Variants in SGCG observed in about 807,000 individuals in gnomAD.
SGCG encodes the protein sarcoglycan gamma, also known as gamma-sarcoglycan.
A neutral mutation model predicts 29.3 loss-of-function variants in SGCG; 26 were observed. That is an observed-to-expected ratio of 0.89 (90% confidence interval 0.65 to 1.23). SGCG has a LOEUF of 1.23. SGCG is among the 50% of genes most tolerant of loss of function. The pLI is 0.00. For synonymous variants in SGCG, 145 were observed against 129.7 expected, an observed-to-expected ratio of 1.12 and a Z score of -0.80; for missense variants, 353 against 356.0, an observed-to-expected ratio of 0.99 and a Z score of 0.07.
chr13:23,253,944 CA>C (rs1880074594), intron 4 of SGCG, among the ~76,000 whole-genome samples: 1 of 152,212 alleles, frequency 6.6e-6, no homozygotes, highest in Non-Finnish European at 1.5e-5. Context: ...CTGAGGCCCT[CA>C]CTAGAAGCAT....
chr13:23,198,381 T>C (rs1268738850), intron 1 of SGCG, among the ~76,000 whole-genome samples: 2 of 152,192 alleles, frequency 1.3e-5, no homozygotes, highest in Admixed American at 1.3e-4. Flanking sequence ...GAAGACAGAT[T>C]ATCTGTCCTT....
intron 3 of SGCG, chr13:23,244,212 G>A (rs1344295147): frequency 6.6e-6 from 1 of 152,042 alleles, no homozygotes; most frequent in Non-Finnish European, 1.5e-5. Flanking sequence ...ATCATATCAG[G>A]ATTACGATAA....
At chr13:23,309,049 T>C (rs1409264583) in intron 6 of SGCG, among the ~76,000 whole-genome samples, 1 of 152,100 alleles carries the variant, frequency 6.6e-6, no homozygotes, top group Non-Finnish European at 1.5e-5. Context: ...ATATTCTCCA[T>C]TTAGGTTTGG....
chr13:23,211,230 A>T (rs1444605830), intron 2 of SGCG, among the ~76,000 whole-genome samples: 1 of 152,168 alleles, frequency 6.6e-6, no homozygotes, highest in Non-Finnish European at 1.5e-5. Context: ...TACCCACAGC[A>T]GACCAGAAAT....
chr13:23,178,738 A>G (rs1209215404), upstream of SGCG, among the ~76,000 whole-genome samples: 2 of 152,220 alleles, frequency 1.3e-5, no homozygotes, highest in East Asian at 3.9e-4. Context: ...CTTCATCTCA[A>G]AATAGAAATG....
At chr13:23,167,811 A>G in the SGCG span, among the ~76,000 whole-genome samples, 1 of 151,722 alleles carries the variant, frequency 6.6e-6, no homozygotes, top group East Asian at 1.9e-4. Flanking sequence ...AGCTCACTGC[A>G]ATCTCTGCCT....
intron 3 of SGCG, among the ~76,000 whole-genome samples, chr13:23,250,005 T>C (rs1260385186): frequency 1.3e-5 from 2 of 152,236 alleles, no homozygotes; most frequent in African/African-American, 4.8e-5. Flanking sequence ...TGTTTACTGA[T>C]ACATAAAATT....
chr13:23,172,481 A>G, the SGCG span, among the ~76,000 whole-genome samples: 7 of 152,338 alleles, frequency 4.6e-5, no homozygotes, highest in African/African-American at 1.2e-4. Flanking sequence ...TGGAGAATCA[A>G]CTACCACTAG....
chr13:23,299,838 A>T (rs923091025), intron 6 of SGCG, among the ~76,000 whole-genome samples: 1 of 152,176 alleles, frequency 6.6e-6, no homozygotes, highest in Non-Finnish European at 1.5e-5. Context: ...GCATTCACAC[A>T]TGATGTAATT....
chr13:23,292,461 A>T (rs1487108079), intron 5 of SGCG, among the ~76,000 whole-genome samples: 1 of 152,226 alleles, frequency 6.6e-6, no homozygotes, highest in African/African-American at 2.4e-5. Context: ...CTTTGGAGAT[A>T]TGCCCCAAAT....
chr13:23,160,705 C>T, the SGCG span, among the ~76,000 whole-genome samples: 1 of 152,148 alleles, frequency 6.6e-6, no homozygotes, highest in African/African-American at 2.4e-5. Flanking sequence ...TCCTGGGTCC[C>T]TTCCTTCTCC....
intron 2 of SGCG, among the ~76,000 whole-genome samples, chr13:23,228,994 C>T (rs374825954): frequency 1.1e-4 from 17 of 152,182 alleles, no homozygotes; most frequent in Admixed American, 4.6e-4. Context: ...CCTCAGCCCC[C>T]GAGTAGCTGG....
intron 4 of SGCG, among the ~76,000 whole-genome samples, chr13:23,255,006 G>A (rs1049904048): frequency 6.6e-6 from 1 of 152,234 alleles, no homozygotes; most frequent in Non-Finnish European, 1.5e-5. Context: ...AGGGACACAG[G>A]CCCCACAAAG....
At chr13:23,188,475 G>A (rs1182456176) in intron 1 of SGCG, among the ~76,000 whole-genome samples, 1 of 135,282 alleles carries the variant, frequency 7.4e-6, no homozygotes, top group Non-Finnish European at 1.6e-5. Context: ...ACAGGCGCCT[G>A]CCTAATTTTT....
Position 23,297,606 on chromosome 13 carries a change from G to A in SGCG, c.578+2119G>A, listed in dbSNP as rs1366848134. Among the ~76,000 whole-genome samples the A allele has an allele frequency of 3.9e-5, 6 of 152,170 alleles. 1 individual carries two copies. The highest frequency in any genetic ancestry group is 1.2e-4 in the African/African-American group (5 of 41,450). On this transcript the variant is annotated intron_variant, in intron 6 of 7. Coordinates refer to ENST00000218867, the MANE Select transcript of SGCG (RefSeq NM_000231.3). Reference sequence around the variant, plus strand: ...TTGTGGTTTAAGAACGCCTTTAAGCGGTTTTCTGCCCTGGGTGGGCCAGGT... The same window carrying A: ...TTGTGGTTTAAGAACGCCTTTAAGCAGTTTTCTGCCCTGGGTGGGCCAGGT...
At chr13:23,265,201 G>T (rs35108567) in intron 4 of SGCG, among the ~76,000 whole-genome samples, 12,881 of 151,400 alleles carry the variant, frequency 0.085, 705 homozygotes, top group South Asian at 0.14. Context: ...TGGGAAAAAA[G>T]ATTTTTAAAA....
At chr13:23,202,848 T>C (rs1464638998) in intron 1 of SGCG, among the ~76,000 whole-genome samples, 1 of 152,232 alleles carries the variant, frequency 6.6e-6, no homozygotes, top group African/African-American at 2.4e-5. Context: ...TTCATCTTTT[T>C]ACTACATTTA....
At chr13:23,299,443 TATA>T (rs1209307195) in intron 6 of SGCG, among the ~76,000 whole-genome samples, 248 of 23,046 alleles carry the variant, frequency 0.011, 20 homozygotes, top group South Asian at 0.018. Context: ...TATATATATA[TATA>T]TATATATATA....
chr13:23,210,932 A>G (rs935379646), intron 2 of SGCG, among the ~76,000 whole-genome samples: 3 of 151,988 alleles, frequency 2.0e-5, no homozygotes, highest in African/African-American at 7.3e-5. Context: ...ATGTCCGAAA[A>G]AAGTCCTTTT....
Sources: allele counts gnomAD v4.1 joint callset (sites outside exome capture counted in the v4.1 genomes callset), GRCh38; gene constraint gnomAD v4.1.1; transcripts MANE v1.5; gene names NCBI Gene and HGNC (gene_info 2026-07-23, HGNC 2026-07-21).